Variants in FECH observed in about 807,000 individuals in gnomAD.
The protein encoded by FECH is ferrochelatase, mitochondrial.
Under a neutral mutation model 56.9 loss-of-function variants are expected in FECH, and 40 were observed. The ratio of observed to expected loss-of-function variants is 0.70; its 90% confidence interval spans 0.55 to 0.92. The LOEUF (loss-of-function observed/expected upper bound fraction) is 0.92, where lower values mean the gene tolerates loss of function less well. Among genes scored for constraint, FECH ranks in the 40% least tolerant of loss-of-function variants. The pLI, the probability that FECH is intolerant of heterozygous loss-of-function variation, is 0.00. For synonymous variants in FECH, 175 were observed against 198.6 expected (o/e 0.88, Z 1.00); for missense variants, 431 against 529.1 (o/e 0.81, Z 1.82).
intron 7 of FECH, among the ~76,000 whole-genome samples, chr18:57,555,187 T>C (rs2050852974): frequency 6.6e-6 from 1 of 152,202 alleles, no homozygotes; most frequent in Non-Finnish European, 1.5e-5. Context: ...GGTGGAGAAT[T>C]CCATGTTCCA....
chr18:57,556,910 C>CAAA lies in FECH; in HGVS notation c.805-1961_805-1959dup, dbSNP rs57650194. ...TGAGTGACAGAGTGAGACCCTGTCT[C>CAAA]AAAAAAAAAAAAAAAAAAAAAAAAA... On this transcript the variant is annotated intron_variant, in intron 7 of 10. Transcript: ENST00000262093. 1.5e-3 allele frequency among the ~76,000 whole-genome samples: 66 copies of CAAA among 44,384 alleles called. 3 individuals carry two copies. The highest frequency in any genetic ancestry group is 1.9e-3 in the Non-Finnish European group (48 of 24,822). The allele number at this position is 44,384 out of a possible 152,430, so 29.1% of individuals were successfully genotyped here. A position where few individuals can be genotyped will look rare whatever the true frequency, so the allele number is the denominator to read the frequency against.
intron 5 of FECH, 74 bp from the exon 6 acceptor site, chr18:57,563,054 G>C: frequency 8.4e-7 from 1 of 1,187,372 alleles, no homozygotes; most frequent in East Asian, 2.5e-5. Flanking sequence ...CGTAAAGGTA[G>C]TATATATAAG....
chr18:57,586,423 G>T, intron 1 of FECH, 131 bp downstream of exon 1: 2 of 1,004,212 alleles, frequency 2.0e-6, no homozygotes, highest in Non-Finnish European at 2.8e-6. Context: ...CCCCTCGCCC[G>T]GTTGCTCGCA....
rs761513962 is a variant in FECH at position 57,571,522 on chromosome 18, G to A, written c.333C>T (p.Ile111=). 3.1e-5 allele frequency: 50 copies of A among 1,613,780 alleles called. 2 individuals are homozygous for A. The highest frequency in any genetic ancestry group is 1.9e-4 in the South Asian group (17 of 91,050). ...LPIQNKLAPF[I]AKRRTPKIQE... ...GAATCTTGGGGGTTCGGCGTTTGGC[G>A]ATGAATGGTGCCAGCTTACTAAATC... The change falls in exon 4 of 11, where the codon ATC becomes ATT. Residue 111 remains isoleucine (I), a synonymous_variant. Transcript: ENST00000262093.
At chr18:57,565,226 G>A (rs1216772193) in intron 5 of FECH, among the ~76,000 whole-genome samples, 1 of 152,202 alleles carries the variant, frequency 6.6e-6, no homozygotes, top group Non-Finnish European at 1.5e-5. Flanking sequence ...CAAAAGTAGA[G>A]CTTAAAAATT....
Position 57,550,617 on chromosome 18 carries a change from A to ACTTC in FECH, c.*91_*94dup. ...GCTGTATATATATCAAGGAAGGATG[A>ACTTC]CTTCCTTCCTTGATCTCTAAATAAC... On this transcript the variant is annotated 3_prime_UTR_variant, in exon 11 of 11. Coordinates refer to ENST00000262093, the MANE Select transcript of FECH (RefSeq NM_000140.5). 1 of 1,474,104 alleles carries ACTTC rather than the reference A, an allele frequency of 6.8e-7. No individual in the cohort carries two copies. The allele number at this position is 1,474,104 out of a possible 1,614,324, so 91.3% of individuals were successfully genotyped here. A position where few individuals can be genotyped will look rare whatever the true frequency, so the allele number is the denominator to read the frequency against.
rs554972944 is a variant in FECH at position 57,578,512 on chromosome 18, GA to G, written c.194+1560del. ...CAAAATGAGACCCCCATCTTTACAA[GA>G]AAAAAAATTTGTTTTAATTAGCTGG... On this transcript the variant is annotated intron_variant, in intron 2 of 10. Transcript: ENST00000262093. Among the ~76,000 whole-genome samples the G allele has an allele frequency of 3.9e-4, 59 of 151,978 alleles. 1 individual carries two copies. The East Asian group carries it at 0.011, about 28-fold the overall frequency.
At chr18:57,571,612 TA>T (rs2051111314) in intron 3 of FECH, 72 bp from the exon 4 acceptor site, 4 of 1,606,968 alleles carry the variant, frequency 2.5e-6, no homozygotes, top group African/African-American at 2.7e-5. Context: ...TTCTACTCAA[TA>T]AAAAAGAAAA....
At chr18:57,551,461 A>G in intron 9 of FECH, 87 bp from the exon 10 acceptor site, 1 of 904,462 alleles carries the variant, frequency 1.1e-6, no homozygotes. Flanking sequence ...AAAAATAAAT[A>G]CACACAGATA....
At chr18:57,565,652 G>T (rs941648535) in intron 5 of FECH, among the ~76,000 whole-genome samples, 28 of 151,914 alleles carry the variant, frequency 1.8e-4, no homozygotes, top group African/African-American at 6.8e-4. Flanking sequence ...TGGGTTCTCT[G>T]AACAAATATT....
intron 4 of FECH, among the ~76,000 whole-genome samples, chr18:57,568,868 G>C (rs1195105588): frequency 6.6e-6 from 1 of 152,216 alleles, no homozygotes; most frequent in Non-Finnish European, 1.5e-5. Flanking sequence ...CTGTGCCAAT[G>C]ATGAATTAAA....
chr18:57,563,990 T>C (rs939763785), intron 5 of FECH, among the ~76,000 whole-genome samples: 6 of 152,172 alleles, frequency 3.9e-5, no homozygotes, highest in African/African-American at 1.4e-4. Flanking sequence ...GTGATTCTCC[T>C]GCCTCAGCCT....
chr18:57,572,504 A>G (rs2051124467), intron 3 of FECH, among the ~76,000 whole-genome samples: 1 of 115,188 alleles, frequency 8.7e-6, no homozygotes, highest in South Asian at 3.8e-4. Context: ...TGGCACATGT[A>G]TACGTATGTA....
chr18:57,559,421 A>G (rs1017922458), intron 6 of FECH, among the ~76,000 whole-genome samples, 178 bp from the exon 7 acceptor site: 1 of 152,232 alleles, frequency 6.6e-6, no homozygotes, highest in African/African-American at 2.4e-5. Context: ...TTTATCATCA[A>G]AATGGATCAT....
At chr18:57,559,848 G>A (rs958651540) in intron 6 of FECH, among the ~76,000 whole-genome samples, 1 of 152,158 alleles carries the variant, frequency 6.6e-6, no homozygotes. Context: ...GGTAAACTTA[G>A]GGGCCCATTC....
rs977501167 is a variant in FECH, at chr18:57,554,756, G to A, written c.912+89C>T. ...TCAGGTTATGGAAGAGCCTGACCAT[G>A]TGTAAGAGCCAAATCTAACCATTTT... On this transcript the variant is annotated intron_variant, in intron 8 of 10. Coordinates refer to ENST00000262093, the MANE Select transcript of FECH (RefSeq NM_000140.5). 2.8e-6 allele frequency: 3 copies of A among 1,076,960 alleles called. No homozygotes were observed. In the African/African-American group the frequency reaches 4.7e-5, roughly 17 times the overall value. The allele number at this position is 1,076,960 out of a possible 1,614,324, so 66.7% of individuals were successfully genotyped here. A position where few individuals can be genotyped will look rare whatever the true frequency, so the allele number is the denominator to read the frequency against.
At chr18:57,554,069 T>A (rs1042490834) in intron 9 of FECH, among the ~76,000 whole-genome samples, 191 bp downstream of exon 9, 1 of 152,176 alleles carries the variant, frequency 6.6e-6, no homozygotes, top group African/African-American at 2.4e-5. Context: ...AGGTTTCCCC[T>A]CCCACTGCAT....
intron 8 of FECH, 98 bp downstream of exon 8, chr18:57,554,747 C>G: frequency 1.0e-6 from 1 of 978,118 alleles, no homozygotes; most frequent in Admixed American, 1.8e-5. Flanking sequence ...TATGGAAGAG[C>G]CTGACCATGT....
intron 1 of FECH, among the ~76,000 whole-genome samples, chr18:57,583,484 CA>C (rs2051316696): frequency 6.6e-6 from 1 of 152,260 alleles, no homozygotes; most frequent in South Asian, 2.1e-4. Context: ...GCTACTTCTG[CA>C]GGGCTGCTGT....
Sources: allele counts gnomAD v4.1 joint callset (sites outside exome capture counted in the v4.1 genomes callset), GRCh38; gene constraint gnomAD v4.1.1; transcripts MANE v1.5; gene names NCBI Gene and HGNC (gene_info 2026-07-23, HGNC 2026-07-21).